Variants in PIEZO1 observed in about 807,000 individuals in gnomAD.
PIEZO1 encodes the protein piezo-type mechanosensitive ion channel component 1.
A neutral mutation model predicts 297.2 loss-of-function variants in PIEZO1; 296 were observed. That is an observed-to-expected ratio of 1.00 (90% confidence interval 0.91 to 1.10). The LOEUF is 1.10. Ranked by LOEUF, PIEZO1 falls within the 50% of genes least tolerant of loss-of-function variation. PIEZO1 has a pLI of 0.00. For synonymous variants in PIEZO1, 2,427 were observed against 1,507.5 expected, an observed-to-expected ratio of 1.61 and a Z score of -14.13; for missense variants, 5,018 against 3,455.5, an observed-to-expected ratio of 1.45 and a Z score of -11.34.
chr16:88,730,962 G>A (rs1359292784), intron 22 of PIEZO1, among the ~76,000 whole-genome samples: 3 of 152,256 alleles, frequency 2.0e-5, no homozygotes, highest in Non-Finnish European at 4.4e-5. Context: ...CCAACAGGCT[G>A]GGTGCCACTG....
chr16:88,745,173 C>G (rs1905966259), intron 2 of PIEZO1: 1 of 151,906 alleles, frequency 6.6e-6, no homozygotes. Flanking sequence ...CTGCCTCTTC[C>G]AGGAGCCCAG....
Position 88,722,760 on chromosome 16 carries a change from C to T in PIEZO1, c.4669-71G>A, listed in dbSNP as rs533758913. 4.1e-4 allele frequency: 624 copies of T among 1,526,880 alleles called. 3 individuals are homozygous for T. Among genetic ancestry groups the T allele is most frequent in the South Asian group, 3.8e-3 (321 of 83,802 alleles). The allele number at this position is 1,526,880 out of a possible 1,614,324, so 94.6% of individuals were successfully genotyped here. ...CCCACACGGGGTTTCGTGCAGTGGG[C>T]GCGGGACTAGGCTGTTAAGCAGGCA... On this transcript the variant is annotated intron_variant, in intron 34 of 50. Transcript: ENST00000301015.
chr16:88,782,483 T>C (rs1391858367), intron 1 of PIEZO1, among the ~76,000 whole-genome samples: 5 of 152,302 alleles, frequency 3.3e-5, no homozygotes, highest in South Asian at 4.1e-4. Context: ...GTGAGACTGC[T>C]GAAGGAGGCC....
rs1214657910 is a variant in PIEZO1, at chr16:88,742,063, C to CTA, written c.314_315dup (p.Gly106Ter). ...GAGGAATGGTCTTACCTTGTGACCCCTATGTGTCGCGAGAGGGTCTCCCAG... is the reference window on the plus strand; with the variant it reads ...GAGGAATGGTCTTACCTTGTGACCCCTATATGTGTCGCGAGAGGGTCTCCCAG... On this transcript the variant is annotated frameshift_variant, in exon 4 of 51. Coordinates refer to ENST00000301015, the MANE Select transcript of PIEZO1 (RefSeq NM_001142864.4). LOFTEE classifies it high-confidence loss of function. 1.3e-6 allele frequency: 2 copies of CTA among 1,536,096 alleles called. No homozygotes were observed. Among genetic ancestry groups the CTA allele is most frequent in the Admixed American group, 3.9e-5 (2 of 50,978 alleles).
chr16:88,726,209 A>G, intron 27 of PIEZO1, 75 bp downstream of exon 27: 1 of 1,285,192 alleles, frequency 7.8e-7, no homozygotes, highest in Non-Finnish European at 1.1e-6. Context: ...GGGGCCTGAG[A>G]CAGTGAGGAA....
At chr16:88,763,518 A>AAAAAC in intron 1 of PIEZO1, among the ~76,000 whole-genome samples, 1 of 152,204 alleles carries the variant, frequency 6.6e-6, no homozygotes, top group Admixed American at 6.5e-5. Flanking sequence ...TCCCGATTTA[A>AAAAAC]AAAACAAAAC....
chr16:88,737,637 G>A lies in PIEZO1; in HGVS notation c.1117C>T (p.Pro373Ser). ...QERESDQHVV[P>S]TAPDTEADNC... ...TCAGCCTCGGTGTCGGGTGCTGTGGGCACCACGTGCTGTGGGCAAGCAGCG... is the reference window on the plus strand; with the variant it reads ...TCAGCCTCGGTGTCGGGTGCTGTGGACACCACGTGCTGTGGGCAAGCAGCG... The change falls in exon 10 of 51, where the codon CCC becomes TCC. Residue 373 changes from proline to serine, a missense_variant. Physicochemically the swap from Pro to Ser is moderately conservative, Grantham distance 74 (BLOSUM62 -1). Transcript: ENST00000301015. The A allele has an allele frequency of 3.3e-6, 5 of 1,534,838 alleles. No homozygotes were observed. In the South Asian group the frequency reaches 6.0e-5, roughly 18 times the overall value.
intron 22 of PIEZO1, among the ~76,000 whole-genome samples, chr16:88,730,104 C>T (rs1359626418): frequency 1.3e-5 from 2 of 152,258 alleles, no homozygotes; most frequent in East Asian, 1.9e-4. Context: ...TGCTCGAAAG[C>T]AGATGTTTCA....
Position 88,716,341 on chromosome 16 carries a change from C to T in PIEZO1, c.7049+20G>A, listed in dbSNP as rs903839506. On this transcript the variant is annotated intron_variant, in intron 48 of 50. Coordinates refer to ENST00000301015, the MANE Select transcript of PIEZO1 (RefSeq NM_001142864.4). Reference sequence around the variant, plus strand: ...AACCTGGCACAGCCCTCCTGCCCACCACCCGGGCCCTTCACTCACACAGAC... The same window carrying T: ...AACCTGGCACAGCCCTCCTGCCCACTACCCGGGCCCTTCACTCACACAGAC... 2.6e-6 allele frequency: 4 copies of T among 1,512,318 alleles called. No individual in the cohort carries two copies. Among genetic ancestry groups the T allele is most frequent in the Non-Finnish European group, 3.6e-6 (4 of 1,124,790 alleles). 93.7% of individuals were successfully genotyped at this position (1,512,318 alleles called of 1,614,324 possible). A position where few individuals can be genotyped will look rare whatever the true frequency, so the allele number is the denominator to read the frequency against.
intron 50 of PIEZO1, 34 bp from the exon 51 acceptor site, chr16:88,715,888 C>A (rs569621969): frequency 1.9e-6 from 3 of 1,543,460 alleles, no homozygotes; most frequent in East Asian, 2.4e-5. Flanking sequence ...TGGGGCCGCC[C>A]GGAGCCCCCC....
At chr16:88,781,296 A>G (rs936707793) in intron 1 of PIEZO1, among the ~76,000 whole-genome samples, 1 of 152,152 alleles carries the variant, frequency 6.6e-6, no homozygotes, top group Non-Finnish European at 1.5e-5. Flanking sequence ...CCCAGAGGAA[A>G]CTTCCTCTCT....
chr16:88,767,277 G>C (rs1340510605), intron 1 of PIEZO1, among the ~76,000 whole-genome samples: 1 of 152,150 alleles, frequency 6.6e-6, no homozygotes, highest in Non-Finnish European at 1.5e-5. Flanking sequence ...GGGCATCCCT[G>C]GCCTGTGGCT....
chr16:88,784,830 C>T, intron 1 of PIEZO1, 71 bp downstream of exon 1: 1 of 1,129,792 alleles, frequency 8.9e-7, no homozygotes, highest in South Asian at 1.6e-5. Flanking sequence ...CGGCGTCGTC[C>T]GGTGTCCAGG....
intron 1 of PIEZO1, among the ~76,000 whole-genome samples, chr16:88,771,424 C>G (rs150612220): frequency 6.6e-6 from 1 of 152,218 alleles, no homozygotes; most frequent in South Asian, 2.1e-4. Context: ...CCCATCCCAC[C>G]GCCTCCCTTG....
chr16:88,774,581 C>T (rs1003424459), intron 1 of PIEZO1, among the ~76,000 whole-genome samples: 20 of 152,132 alleles, frequency 1.3e-4, no homozygotes, highest in African/African-American at 4.8e-4. Flanking sequence ...GGGTGGGCAT[C>T]GCTGGCCCAG....
chr16:88,724,867 C>A (rs900460403), intron 30 of PIEZO1, 142 bp downstream of exon 30: 1 of 557,668 alleles, frequency 1.8e-6, no homozygotes, highest in Non-Finnish European at 3.1e-6. Flanking sequence ...AGGCACCCCC[C>A]GACCCAGGAG....
chr16:88,754,677 G>A (rs1433084180), intron 1 of PIEZO1, among the ~76,000 whole-genome samples: 1 of 152,220 alleles, frequency 6.6e-6, no homozygotes, highest in Non-Finnish European at 1.5e-5. Flanking sequence ...GCCACACAGA[G>A]ACCCAAGGCC....
intron 12 of PIEZO1, 56 bp from the exon 13 acceptor site, chr16:88,735,302 G>C: frequency 1.6e-6 from 2 of 1,274,886 alleles, no homozygotes; most frequent in Non-Finnish European, 2.2e-6. Context: ...CCCTCCCACA[G>C]CCGGGGGACC....
chr16:88,734,873 A>T lies in PIEZO1; in HGVS notation c.1848+2T>A. 1 of 1,548,356 alleles carries T rather than the reference A, an allele frequency of 6.5e-7. No individual in the cohort carries two copies. Among genetic ancestry groups the T allele is most frequent in the Non-Finnish European group, 8.7e-7 (1 of 1,145,796 alleles). On this transcript the variant is annotated splice_donor_variant, in intron 14 of 50. Transcript: ENST00000301015. LOFTEE classifies it high-confidence loss of function. ...CAGCCCCCATCCCGGCCCCCCAGCCACCTGGAAGAGGGTGAGGCAGAGCAG... is the reference window on the plus strand; with the variant it reads ...CAGCCCCCATCCCGGCCCCCCAGCCTCCTGGAAGAGGGTGAGGCAGAGCAG...
Sources: gnomAD v4.1 joint callset for allele counts (sites outside exome capture counted in the v4.1 genomes callset) on GRCh38, gnomAD v4.1.1 for gene constraint, MANE v1.5 for transcripts, NCBI Gene and HGNC (gene_info 2026-07-23, HGNC 2026-07-21) for gene names.